The following UBE2V1 variants were observed in gnomAD, a reference collection of about 807,000 sequenced individuals.
UBE2V1 encodes the protein ubiquitin conjugating enzyme E2 V1, also known as ubiquitin-conjugating enzyme E2 variant 1.
A neutral mutation model predicts 19.6 loss-of-function variants in UBE2V1; 15 were observed. The observed-to-expected ratio is 0.77, with a 90% CI of 0.51 to 1.18. The LOEUF (loss-of-function observed/expected upper bound fraction) is 1.18, where lower values mean the gene tolerates loss of function less well. Ranked by LOEUF, UBE2V1 falls within the 50% of genes most tolerant of loss-of-function variation. The pLI is 0.00. For missense variants in UBE2V1, 125 were observed against 184.8 expected (o/e 0.68, Z 1.88); for synonymous variants, 60 against 60.7 (o/e 0.99, Z 0.05).
intron 1 of UBE2V1, among the ~76,000 whole-genome samples, chr20:50,105,846 C>T (rs1883688): frequency 0.095 from 14,500 of 152,184 alleles, 693 homozygotes; most frequent in Middle Eastern, 0.18. Context: ...ATGACAATCA[C>T]TTGAACCCGG....
At chr20:50,097,032 G>T (rs1449900193) in intron 1 of UBE2V1, among the ~76,000 whole-genome samples, 1 of 152,210 alleles carries the variant, frequency 6.6e-6, no homozygotes. Flanking sequence ...TCTGACAGGT[G>T]AAGTGACTAG....
chr20:50,099,066 T>A, intron 1 of UBE2V1: 1 of 769,546 alleles, frequency 1.3e-6, no homozygotes, highest in Non-Finnish European at 1.6e-6. Flanking sequence ...TCTTTAATAA[T>A]CCTAATTAGG....
chr20:50,092,612 G>A (rs2079310516), intron 2 of UBE2V1, among the ~76,000 whole-genome samples: 1 of 152,210 alleles, frequency 6.6e-6, no homozygotes, highest in Non-Finnish European at 1.5e-5. Flanking sequence ...CTTGACTATT[G>A]TTAGTACTTC....
intron 1 of UBE2V1, among the ~76,000 whole-genome samples, chr20:50,109,666 T>C (rs1233973568): frequency 6.7e-6 from 1 of 150,178 alleles, no homozygotes; most frequent in Admixed American, 6.7e-5. Context: ...GGAGAATCGC[T>C]TGAACCTGGG....
At chr20:50,105,714 C>T (rs1412237657) in intron 1 of UBE2V1, among the ~76,000 whole-genome samples, 2 of 151,986 alleles carry the variant, frequency 1.3e-5, no homozygotes, top group Non-Finnish European at 2.9e-5. Context: ...TTTGAGAGGC[C>T]GAGGTGGGAG....
intron 2 of UBE2V1, among the ~76,000 whole-genome samples, chr20:50,093,987 C>CAAAAAA (rs60174191): frequency 5.3e-3 from 299 of 55,972 alleles, no homozygotes; most frequent in Non-Finnish European, 7.8e-3. Flanking sequence ...GACTCCAACT[C>CAAAAAA]AAAAAAAAAA....
chr20:50,082,782 A>G lies in UBE2V1; in HGVS notation c.430T>C (p.Cys144Arg). ...MKLPQPPEGQCYSN is the reference protein window; with the variant it reads ...MKLPQPPEGQRYSN ...TTTCTTTTTGATTAATTGCTGTAAC[A>G]CTGTCCTTCGGGCGGCTGAGGGAGT... is the stretch of plus-strand genomic sequence containing the variant. Residue 144 changes from cysteine to arginine, a missense_variant, in exon 4 of 4, where the codon TGT becomes CGT. Transcript: ENST00000371674. The G allele has an allele frequency of 6.2e-7, 1 of 1,612,630 alleles. No homozygotes were observed.
At position 50,094,034 on chromosome 20, in the gene UBE2V1, A is replaced by AAT. The variant is rs3067702; in HGVS notation, c.171+2636_171+2637dup. Among the ~76,000 whole-genome samples, 17 of 85,024 alleles carry AAT rather than the reference A, an allele frequency of 2.0e-4. No homozygotes were observed. In the East Asian group the frequency reaches 5.1e-3, roughly 26 times the overall value. The allele number at this position is 85,024 out of a possible 152,430, so 55.8% of individuals were successfully genotyped here. A position where few individuals can be genotyped will look rare whatever the true frequency, so the allele number is the denominator to read the frequency against. On this transcript the variant is annotated intron_variant, in intron 2 of 3. Transcript: ENST00000371674. ...AAAATAATAATAATAATAATAATAA[A>AAT]ATATATATATATAAAATATATTATG... is the stretch of plus-strand genomic sequence containing the variant.
At chr20:50,089,042 G>C (rs1381194451) in intron 2 of UBE2V1, among the ~76,000 whole-genome samples, 1 of 151,968 alleles carries the variant, frequency 6.6e-6, no homozygotes, top group Non-Finnish European at 1.5e-5. Flanking sequence ...GGATAAATCA[G>C]GAAAAAAGAC....
In UBE2V1 at chr20:50,090,550, C is replaced by A. The variant is rs1323076499; in HGVS notation, c.171+6122G>T. 6.0e-5 allele frequency among the ~76,000 whole-genome samples: 9 copies of A among 151,242 alleles called. No individual in the cohort carries two copies. The East Asian group carries it at 1.6e-3, about 26-fold the overall frequency. On this transcript the variant is annotated intron_variant, in intron 2 of 3. Coordinates refer to ENST00000371674, the MANE Select transcript of UBE2V1 (RefSeq NM_001032288.3). ...TGAAGGACATTATGCTAAGTGAAATCAGCCAGACACAGAAAGACAAAAAGT... is the reference window on the plus strand; with the variant it reads ...TGAAGGACATTATGCTAAGTGAAATAAGCCAGACACAGAAAGACAAAAAGT...
At chr20:50,089,546 A>G (rs2079104624) in intron 2 of UBE2V1, among the ~76,000 whole-genome samples, 1 of 152,170 alleles carries the variant, frequency 6.6e-6, no homozygotes, top group Admixed American at 6.5e-5. Flanking sequence ...TGACAAAGGA[A>G]AAGTGTAGTG....
chr20:50,093,292 A>C (rs1320828577), intron 2 of UBE2V1, among the ~76,000 whole-genome samples: 2 of 152,254 alleles, frequency 1.3e-5, no homozygotes, highest in African/African-American at 4.8e-5. Flanking sequence ...TTGATGGAAA[A>C]TGTTCTTTTG....
intron 2 of UBE2V1, among the ~76,000 whole-genome samples, chr20:50,094,147 ATATAAT>A (rs1344029426): frequency 1.5e-5 from 2 of 130,450 alleles, no homozygotes; most frequent in African/African-American, 5.8e-5. Flanking sequence ...TATATCTTAT[ATATAAT>A]TATATGTAAT....
At chr20:50,115,643 C>T (rs1480875910), upstream of UBE2V1, 3 of 1,336,444 alleles carry the variant, frequency 2.2e-6, no homozygotes, top group African/African-American at 1.5e-5. Context: ...AAATGCTTTC[C>T]TAAAACCCCT....
chr20:50,110,525 T>G (rs1353760886), intron 1 of UBE2V1, among the ~76,000 whole-genome samples: 1 of 152,196 alleles, frequency 6.6e-6, no homozygotes, highest in Non-Finnish European at 1.5e-5. Context: ...GGAAGACTTC[T>G]CAGGGTTAGA....
chr20:50,085,688 G>T (rs1168260771), intron 2 of UBE2V1, among the ~76,000 whole-genome samples: 1 of 152,128 alleles, frequency 6.6e-6, no homozygotes, highest in Admixed American at 6.5e-5. Flanking sequence ...TTAAACCCTT[G>T]ATTCAGAAGG....
At chr20:50,085,297 A>G (rs1178221296) in intron 2 of UBE2V1, among the ~76,000 whole-genome samples, 2 of 152,102 alleles carry the variant, frequency 1.3e-5, no homozygotes, top group African/African-American at 4.8e-5. Flanking sequence ...CCCCATAAGC[A>G]GGGAGATGCG....
At chr20:50,114,624 C>A (rs1476420030), upstream of UBE2V1, among the ~76,000 whole-genome samples, 1 of 152,156 alleles carries the variant, frequency 6.6e-6, no homozygotes. Context: ...CAGGGCTCTC[C>A]AGGGCAAAGC....
chr20:50,111,065 G>A (rs1601166537), intron 1 of UBE2V1, among the ~76,000 whole-genome samples: 2 of 152,186 alleles, frequency 1.3e-5, no homozygotes, highest in African/African-American at 4.8e-5. Flanking sequence ...GGAAGCTCCC[G>A]AAGGATACAG....
Sources: gnomAD v4.1 joint callset for allele counts (sites outside exome capture counted in the v4.1 genomes callset) on GRCh38, gnomAD v4.1.1 for gene constraint, MANE v1.5 for transcripts, NCBI Gene and HGNC (gene_info 2026-07-23, HGNC 2026-07-21) for gene names.